KRT81: variants seen among roughly 807,000 people sequenced by gnomAD.
KRT81 encodes keratin 81, also known as keratin, type II cuticular Hb1.
KRT81 carries 35 observed loss-of-function variants against 35.8 expected under a neutral mutation model. The observed-to-expected ratio is 0.98, with a 90% confidence interval of 0.75 to 1.30. The LOEUF (loss-of-function observed/expected upper bound fraction) is 1.30, where lower values mean the gene tolerates loss of function less well. Among genes scored for constraint, KRT81 ranks in the 50% most tolerant of loss-of-function variants. The pLI, the probability that KRT81 is intolerant of heterozygous loss-of-function variation, is 0.00. For missense variants in KRT81, 531 were observed against 577.4 expected (o/e 0.92, Z 0.82); for synonymous variants, 249 against 251.2 (o/e 0.99, Z 0.08).
intron 3 of KRT81, 98 bp from the exon 4 acceptor site, chr12:52,288,554 G>GGGAC: frequency 7.3e-7 from 1 of 1,362,444 alleles, no homozygotes. Context: ...GGGGAAAGCA[G>GGGAC]TCCCTGGTGT....
intron 4 of KRT81, 58 bp downstream of exon 4, chr12:52,288,303 A>C (rs1197551377): frequency 1.9e-6 from 3 of 1,608,754 alleles, no homozygotes; most frequent in African/African-American, 2.7e-5. Flanking sequence ...CAACACTCCC[A>C]CCCCCAACTC....
At chr12:52,288,780 A>C (rs1368274564) in intron 3 of KRT81, among the ~76,000 whole-genome samples, 7 of 151,792 alleles carry the variant, frequency 4.6e-5, no homozygotes, top group Admixed American at 1.3e-4. Context: ...TGTCCCCCAC[A>C]AGTGCTCCAA....
At position 52,291,252 on chromosome 12, in the gene KRT81, C is replaced by T. The variant is rs1938108264; in HGVS notation, c.214G>A (p.Gly72Arg). ...GTGGTGATGCATGGGGGACTGGGCC[C>T]GCACACGCCCCCGGAGCGGTAGCCG... ...SFGYRSGGVC[G>R]PSPPCITTVS... Residue 72 changes from glycine to arginine, a missense_variant, in exon 1 of 9, where the codon GGG (glycine) becomes AGG (arginine). Gly to Arg is a moderately radical substitution (Grantham distance 125). Around this residue, in one of 5 missense-constraint regions of KRT81, gnomAD observed 133 missense variants for 125.9 expected, o/e 1.06. Coordinates refer to ENST00000327741, the MANE Select transcript of KRT81 (RefSeq NM_002281.4). 6.6e-7 allele frequency: 1 copy of T among 1,516,156 alleles called. No individual in the cohort carries two copies. Among genetic ancestry groups the T allele is most frequent in the Non-Finnish European group, 8.8e-7 (1 of 1,129,986 alleles). 93.9% of individuals were successfully genotyped at this position (1,516,156 alleles called of 1,614,324 possible). A position where few individuals can be genotyped will look rare whatever the true frequency, so the allele number is the denominator to read the frequency against.
At position 52,285,939 on chromosome 12, in the gene KRT81, A is replaced by G. The variant is rs1459537671; in HGVS notation, c.*316T>C. On this transcript the variant is annotated 3_prime_UTR_variant, in exon 9 of 9. Coordinates refer to ENST00000327741, the MANE Select transcript of KRT81 (RefSeq NM_002281.4). ...TGGCTACATTAATTTATTGAAACAC[A>G]GATCAAGAGCAGAGGAGGAAGGGGA... 2 of 429,730 alleles carry G rather than the reference A, an allele frequency of 4.7e-6. No individual in the cohort carries two copies. Among genetic ancestry groups the G allele is most frequent in the Admixed American group, 3.6e-5 (1 of 27,830 alleles). The allele number at this position is 429,730 out of a possible 1,614,324, so 26.6% of individuals were successfully genotyped here. A position where few individuals can be genotyped will look rare whatever the true frequency, so the allele number is the denominator to read the frequency against.
intron 7 of KRT81, 136 bp from the exon 8 acceptor site, chr12:52,286,958 T>C: frequency 6.5e-7 from 1 of 1,546,158 alleles, no homozygotes; most frequent in East Asian, 2.3e-5. Flanking sequence ...TCAGACAAAC[T>C]CACACACCAG....
Position 52,286,807 on chromosome 12 carries a change from A to G in KRT81, c.1263T>C (p.Ile421=), listed in dbSNP as rs1415335857. Residue 421 remains isoleucine, a synonymous_variant, in exon 8 of 9, where the codon ATT becomes ATC. Transcript: ENST00000327741. ...EGEEQRLCEG[I]GAVNVCVSSS... ...AATACTCACAGACATTCACAGCCCC[A>G]ATGCCTTCACATAGCCTGAGGGCAA... 6.2e-7 allele frequency: 1 copy of G among 1,613,952 alleles called. No individual in the cohort carries two copies. The highest frequency in any genetic ancestry group is 1.3e-5 in the African/African-American group (1 of 74,920).
intron 7 of KRT81, 87 bp downstream of exon 7, chr12:52,287,015 C>T: frequency 6.2e-7 from 1 of 1,608,644 alleles, no homozygotes; most frequent in Non-Finnish European, 8.5e-7. Context: ...TCCCCCAGAG[C>T]CCTGGCCATT....
In KRT81 at chr12:52,286,162, TA is replaced by T; in HGVS notation, c.*92del. 4 of 982,924 alleles carry T rather than the reference TA, an allele frequency of 4.1e-6. No individual in the cohort carries two copies. The highest frequency in any genetic ancestry group is 6.3e-6 in the Non-Finnish European group (4 of 631,282). 60.9% of individuals were successfully genotyped at this position (982,924 alleles called of 1,614,324 possible). ...GGGGTCTTTCAAAGTGCAGGAGAAG[TA>T]GCTGAGCACTTGCTCCAGGCGCCTG... On this transcript the variant is annotated 3_prime_UTR_variant, in exon 9 of 9. Transcript: ENST00000327741.
chr12:52,288,935 C>A (rs1459391408), intron 3 of KRT81, among the ~76,000 whole-genome samples: 37 of 146,432 alleles, frequency 2.5e-4, no homozygotes, highest in Middle Eastern at 6.9e-3. Flanking sequence ...GCTCCAGGGG[C>A]CTCAGCAATA....
rs561400063 is a variant in KRT81 at position 52,286,361 on chromosome 12, C to T, written c.1412G>A (p.Cys471Tyr). The change falls in exon 9 of 9, where the codon TGC becomes TAC. Residue 471 changes from cysteine to tyrosine, a missense_variant. Coordinates refer to ENST00000327741, the MANE Select transcript of KRT81 (RefSeq NM_002281.4). ...TCCGCAGGTGGTGTTCAATTGGCCG[C>T]AGGGCGCACACAGGCCGGTGCTCAC... ...VAVSTGLCAP[C>Y]GQLNTTCGGG... 1.4e-5 allele frequency: 21 copies of T among 1,555,358 alleles called. 1 individual carries two copies. Among genetic ancestry groups the T allele is most frequent in the Middle Eastern group, 3.4e-4 (2 of 5,908 alleles).
At position 52,287,703 on chromosome 12, in the gene KRT81, T is replaced by C. The variant is rs774124770; in HGVS notation, c.919A>G (p.Thr307Ala). The change falls in exon 6 of 9, where the codon ACG (threonine) becomes GCG (alanine). Residue 307 changes from threonine (T) to alanine (A), a missense_variant. Around this residue, in one of 5 missense-constraint regions of KRT81, gnomAD observed 194 missense variants for 198.2 expected, o/e 0.98. Coordinates refer to ENST00000327741, the MANE Select transcript of KRT81 (RefSeq NM_002281.4). Reference sequence around the variant, plus strand: ...AGGGTCTCCCCGTGCCTGATCACCGTGGCCTTCATCTCCTCACACTGGGGG... The same window carrying C: ...AGGGTCTCCCCGTGCCTGATCACCGCGGCCTTCATCTCCTCACACTGGGGG... The part of the protein sequence containing the change: ...YRSKCEEMKA[T>A]VIRHGETLRR... 5 of 1,614,058 alleles carry C rather than the reference T, an allele frequency of 3.1e-6. No individual in the cohort carries two copies.
chr12:52,291,479 G>A lies in KRT81; in HGVS notation c.-14C>T, dbSNP rs772904497. On this transcript the variant is annotated 5_prime_UTR_variant, in exon 1 of 9. It adds an upstream start codon to the 5' untranslated region. Transcript: ENST00000327741. ...TCCGCAGGTCATGATCCTCCTGGAC[G>A]TTTGGGTTGCAGAGGACAGGATAGG... The A allele has an allele frequency of 6.2e-7, 1 of 1,612,568 alleles. No homozygotes were observed. The highest frequency in any genetic ancestry group is 2.2e-5 in the East Asian group (1 of 44,812).
In KRT81 at chr12:52,287,168, T is replaced by C. The variant is rs767515484; in HGVS notation, c.1181A>G (p.Asn394Ser). 6.2e-7 allele frequency: 1 copy of C among 1,613,356 alleles called. No individual in the cohort carries two copies. The highest frequency in any genetic ancestry group is 1.1e-5 in the South Asian group (1 of 91,018). The change falls in exon 7 of 9, where the codon AAC becomes AGC. Residue 394 changes from asparagine to serine, a missense_variant. Coordinates refer to ENST00000327741, the MANE Select transcript of KRT81 (RefSeq NM_002281.4). ...CLIREYQEVM[N>S]SKLGLDIEIA... Reference sequence around the variant, plus strand: ...CTCGATGTCCAGGCCCAGCTTGGAGTTCATCACCTCCTGGTACTCCCTGAT... The same window carrying C: ...CTCGATGTCCAGGCCCAGCTTGGAGCTCATCACCTCCTGGTACTCCCTGAT...
At position 52,286,014 on chromosome 12, in the gene KRT81, T is replaced by TG. The variant is rs780313674; in HGVS notation, c.*240dup. Reference sequence around the variant, plus strand: ...GCAAGGTTCTGGTCCTGGCCCTTCCTGCTCCTGAGGCCCCTTCCTATGGGT... The same window carrying TG: ...GCAAGGTTCTGGTCCTGGCCCTTCCTGGCTCCTGAGGCCCCTTCCTATGGGT... On this transcript the variant is annotated 3_prime_UTR_variant, in exon 9 of 9. Coordinates refer to ENST00000327741, the MANE Select transcript of KRT81 (RefSeq NM_002281.4). The TG allele has an allele frequency of 1.6e-4, 88 of 563,646 alleles. No individual in the cohort carries two copies. The highest frequency in any genetic ancestry group is 2.4e-4 in the Non-Finnish European group (77 of 314,804). 34.9% of individuals were successfully genotyped at this position (563,646 alleles called of 1,614,324 possible). A position where few individuals can be genotyped will look rare whatever the true frequency, so the allele number is the denominator to read the frequency against.
rs1668362811 is a variant in KRT81, at chr12:52,287,695, G to A, written c.927C>T (p.Ile309=). The A allele has an allele frequency of 1.2e-6, 2 of 1,614,036 alleles. No individual in the cohort carries two copies. The highest frequency in any genetic ancestry group is 1.7e-6 in the Non-Finnish European group (2 of 1,179,926). ...SKCEEMKATV[I]RHGETLRRTK... ...TGCGGCGCAGGGTCTCCCCGTGCCTGATCACCGTGGCCTTCATCTCCTCAC... is the reference window on the plus strand; with the variant it reads ...TGCGGCGCAGGGTCTCCCCGTGCCTAATCACCGTGGCCTTCATCTCCTCAC... The change falls in exon 6 of 9, where the codon ATC becomes ATT. Residue 309 remains isoleucine, a synonymous_variant. Transcript: ENST00000327741.
At chr12:52,287,952 C>A in intron 5 of KRT81, 32 bp downstream of exon 5, 1 of 1,614,140 alleles carries the variant, frequency 6.2e-7, no homozygotes, top group Middle Eastern at 1.7e-4. Flanking sequence ...CCCACTGACA[C>A]GTCTAGCAGG....
At chr12:52,286,542 G>C in intron 8 of KRT81, 49 bp from the exon 9 acceptor site, 4 of 1,530,552 alleles carry the variant, frequency 2.6e-6, no homozygotes, top group Non-Finnish European at 3.5e-6. Context: ...AAGCCATCCT[G>C]CCTTCCTGAC....
intron 5 of KRT81, 80 bp from the exon 6 acceptor site, chr12:52,287,801 T>A (rs1440212403): frequency 2.2e-5 from 35 of 1,612,698 alleles, no homozygotes; most frequent in Non-Finnish European, 2.5e-5. Context: ...TTTTGCAGGT[T>A]GTACAGTGCT....
intron 3 of KRT81, among the ~76,000 whole-genome samples, chr12:52,288,998 C>T (rs1332102231): frequency 7.4e-6 from 1 of 134,552 alleles, no homozygotes; most frequent in Non-Finnish European, 1.6e-5. Flanking sequence ...GCAGCCATCC[C>T]CTTGCCCAAG....
Sources: gnomAD v4.1 joint callset for allele counts (sites outside exome capture counted in the v4.1 genomes callset) on GRCh38, gnomAD v4.1.1 for gene constraint, gnomAD v4.1.1 regional missense constraint, MANE v1.5 for transcripts, NCBI Gene and HGNC (gene_info 2026-07-23, HGNC 2026-07-21) for gene names.